Variants in DAAM1 observed in about 807,000 individuals in gnomAD.
DAAM1 encodes disheveled-associated activator of morphogenesis 1.
Under a neutral mutation model 130.0 loss-of-function variants are expected in DAAM1, and 52 were observed. The observed-to-expected ratio is 0.40, with a 90% CI of 0.32 to 0.50. DAAM1 has a LOEUF of 0.50. Ranked by LOEUF, DAAM1 falls within the 20% of genes least tolerant of loss-of-function variation. The pLI is 0.61. For synonymous variants in DAAM1, 452 were observed against 444.5 expected, an observed-to-expected ratio of 1.02 and a Z score of -0.21; for missense variants, 1,134 against 1,303.8, an observed-to-expected ratio of 0.87 and a Z score of 2.01.
At chr14:59,366,574 TTTTACTACTG>T (rs1263544825) in intron 23 of DAAM1, among the ~76,000 whole-genome samples, 2 of 152,226 alleles carry the variant, frequency 1.3e-5, no homozygotes, top group Admixed American at 1.3e-4. Flanking sequence ...AATATTTTGT[TTTTACTACTG>T]TTTAGTTAAT....
chr14:59,363,975 CTG>C (rs1239416181), intron 23 of DAAM1, among the ~76,000 whole-genome samples, 193 bp downstream of exon 23: 1 of 152,228 alleles, frequency 6.6e-6, no homozygotes, highest in Non-Finnish European at 1.5e-5. Context: ...ATTTCCAAGA[CTG>C]TGATTAATCT....
At chr14:59,366,368 AAATATCTTAACAAT>A (rs1324798865) in intron 23 of DAAM1, among the ~76,000 whole-genome samples, 2 of 152,204 alleles carry the variant, frequency 1.3e-5, no homozygotes, top group Admixed American at 6.5e-5. Flanking sequence ...GAGACCCTGA[AAATATCTTAACAAT>A]AGCAGCATTA....
Position 59,368,640 on chromosome 14 carries a change from C to G in DAAM1, c.2998-10C>G, listed in dbSNP as rs1887018737. On this transcript the variant is annotated splice_polypyrimidine_tract_variant and intron_variant, in intron 24 of 24. Transcript: ENST00000360909. The stretch of plus-strand genomic sequence containing the variant: ...CATGTCTCAAAGAGGTTATTTCTTT[C>G]TATTTGCAGCTCAAAGAACAACGTG... The G allele has an allele frequency of 1.2e-6, 2 of 1,608,450 alleles. No homozygotes were observed. Among genetic ancestry groups the G allele is most frequent in the Non-Finnish European group, 1.7e-6 (2 of 1,177,326 alleles).
At chr14:59,234,557 T>A (rs887072567) in intron 1 of DAAM1, among the ~76,000 whole-genome samples, 1 of 152,164 alleles carries the variant, frequency 6.6e-6, no homozygotes, top group Non-Finnish European at 1.5e-5. Flanking sequence ...AAATATACAA[T>A]CATGTCATCT....
chr14:59,240,690 G>T (rs1415893593), intron 1 of DAAM1, among the ~76,000 whole-genome samples: 1 of 152,194 alleles, frequency 6.6e-6, no homozygotes, highest in African/African-American at 2.4e-5. Flanking sequence ...TATATGTCAT[G>T]ATTCCAGGCA....
Position 59,368,541 on chromosome 14 carries a change from C to T in DAAM1, c.2998-109C>T, listed in dbSNP as rs940366904. 8 of 1,120,072 alleles carry T rather than the reference C, an allele frequency of 7.1e-6. No individual in the cohort carries two copies. In the African/African-American group the frequency reaches 9.5e-5, roughly 13 times the overall value. 69.4% of individuals were successfully genotyped at this position (1,120,072 alleles called of 1,614,324 possible). A position where few individuals can be genotyped will look rare whatever the true frequency, so the allele number is the denominator to read the frequency against. On this transcript the variant is annotated intron_variant, in intron 24 of 24. Coordinates refer to ENST00000360909, the MANE Select transcript of DAAM1 (RefSeq NM_001270520.2). ...TATCCAAAGGGGGTTATAGGATGAG[C>T]ATAGCTTGGTGTCTGGAGCATTACC...
chr14:59,361,973 T>A (rs909929449), intron 22 of DAAM1, among the ~76,000 whole-genome samples: 2 of 151,824 alleles, frequency 1.3e-5, no homozygotes, highest in Non-Finnish European at 2.9e-5. Flanking sequence ...AGTCACAATG[T>A]CTAATTTTTT....
chr14:59,310,266 T>C (rs1594814101), intron 3 of DAAM1, among the ~76,000 whole-genome samples: 1 of 151,944 alleles, frequency 6.6e-6, no homozygotes, highest in Non-Finnish European at 1.5e-5. Context: ...TGCGCCGCCA[T>C]GCCCAGCTAA....
chr14:59,212,434 G>T (rs963858760), intron 1 of DAAM1, among the ~76,000 whole-genome samples: 1 of 152,214 alleles, frequency 6.6e-6, no homozygotes, highest in African/African-American at 2.4e-5. Flanking sequence ...AAACTCTCCA[G>T]TGTTTTAGCA....
At chr14:59,256,612 A>G (rs535138859) in intron 1 of DAAM1, among the ~76,000 whole-genome samples, 1 of 152,324 alleles carries the variant, frequency 6.6e-6, no homozygotes, top group South Asian at 2.1e-4. Context: ...AGATTAGAAG[A>G]TGTGCTCTGG....
intron 12 of DAAM1, among the ~76,000 whole-genome samples, chr14:59,328,024 A>G (rs972279788): frequency 2.6e-5 from 4 of 152,214 alleles, no homozygotes; most frequent in Non-Finnish European, 4.4e-5. Context: ...TGCTCTCACC[A>G]TACTGGTTAA....
intron 1 of DAAM1, among the ~76,000 whole-genome samples, chr14:59,194,356 T>C (rs1251403055): frequency 6.6e-6 from 1 of 152,252 alleles, no homozygotes; most frequent in Non-Finnish European, 1.5e-5. Flanking sequence ...TTTTTGAGTA[T>C]TTAAATGATA....
chr14:59,324,497 C>T, intron 8 of DAAM1, 43 bp downstream of exon 8: 2 of 1,392,148 alleles, frequency 1.4e-6, no homozygotes, highest in Admixed American at 2.0e-5. Flanking sequence ...CTGTGTTTCC[C>T]ATCTGTGTAA....
intron 3 of DAAM1, among the ~76,000 whole-genome samples, chr14:59,296,785 C>T (rs928573917): frequency 3.3e-5 from 5 of 152,174 alleles, no homozygotes; most frequent in Non-Finnish European, 7.3e-5. Flanking sequence ...TCTTTGATTT[C>T]TATTTTGTTT....
intron 1 of DAAM1, among the ~76,000 whole-genome samples, chr14:59,209,946 C>T (rs1888376778): frequency 6.6e-6 from 1 of 151,630 alleles, no homozygotes; most frequent in Admixed American, 6.6e-5. Flanking sequence ...GGGAGACCCC[C>T]ATCTCTACAA....
At chr14:59,308,364 T>A (rs974773156) in intron 3 of DAAM1, among the ~76,000 whole-genome samples, 5 of 152,212 alleles carry the variant, frequency 3.3e-5, no homozygotes, top group Admixed American at 1.3e-4. Flanking sequence ...GGGGAGGATA[T>A]AATCACTTTA....
intron 1 of DAAM1, among the ~76,000 whole-genome samples, chr14:59,239,266 A>C (rs1889403824): frequency 6.6e-6 from 1 of 152,238 alleles, no homozygotes; most frequent in African/African-American, 2.4e-5. Flanking sequence ...ATATAAAATA[A>C]GTAATCCAAC....
intron 12 of DAAM1, among the ~76,000 whole-genome samples, chr14:59,329,003 T>C (rs931108524): frequency 3.9e-5 from 6 of 152,078 alleles, no homozygotes; most frequent in African/African-American, 1.4e-4. Context: ...TAGAGAATAT[T>C]TGGGGAGAAT....
At chr14:59,227,790 G>A (rs1888987206) in intron 1 of DAAM1, among the ~76,000 whole-genome samples, 2 of 152,160 alleles carry the variant, frequency 1.3e-5, no homozygotes, top group South Asian at 2.1e-4. Flanking sequence ...CAGAGGACAC[G>A]TAGTCCAAAT....
Sources: gnomAD v4.1 joint callset for allele counts (sites outside exome capture counted in the v4.1 genomes callset) on GRCh38, gnomAD v4.1.1 for gene constraint, MANE v1.5 for transcripts, NCBI Gene and HGNC (gene_info 2026-07-23, HGNC 2026-07-21) for gene names.